ROBO2: variants seen among roughly 807,000 people sequenced by gnomAD.
ROBO2 encodes roundabout guidance receptor 2.
Under a neutral mutation model 160.8 loss-of-function variants are expected in ROBO2, and 53 were observed. The ratio of observed to expected loss-of-function variants is 0.33; its 90% CI spans 0.26 to 0.41. The LOEUF (loss-of-function observed/expected upper bound fraction) is 0.41, where lower values mean the gene tolerates loss of function less well. Ranked by LOEUF, ROBO2 falls within the 10% of genes least tolerant of loss-of-function variation. ROBO2 has a pLI of 1.00. For synonymous variants in ROBO2, 664 were observed against 611.7 expected, an observed-to-expected ratio of 1.09 and a Z score of -1.26; for missense variants, 1,577 against 1,722.4, an observed-to-expected ratio of 0.92 and a Z score of 1.49.
intron 2 of ROBO2, among the ~76,000 whole-genome samples, chr3:76,639,872 C>T (rs1237254494): frequency 6.6e-6 from 1 of 152,256 alleles, no homozygotes; most frequent in South Asian, 2.1e-4. Context: ...ATAATACCAC[C>T]TAACACATAT....
At chr3:77,534,660 TA>T (rs1452342247) in intron 6 of ROBO2, among the ~76,000 whole-genome samples, 2 of 152,202 alleles carry the variant, frequency 1.3e-5, no homozygotes, top group African/African-American at 2.4e-5. Context: ...TTAGATTTAT[TA>T]AAAATATATA....
chr3:77,280,494 G>A (rs1159703554), intron 2 of ROBO2, among the ~76,000 whole-genome samples: 1 of 152,178 alleles, frequency 6.6e-6, no homozygotes, highest in Non-Finnish European at 1.5e-5. Context: ...GGCTTACACA[G>A]AGGATGGGCA....
At chr3:77,476,449 G>A (rs182365369) in intron 2 of ROBO2, among the ~76,000 whole-genome samples, 47 of 151,090 alleles carry the variant, frequency 3.1e-4, no homozygotes, top group Admixed American at 2.4e-3. Flanking sequence ...CAAACATGTC[G>A]GTGTTGGAAT....
At chr3:77,218,737 A>G (rs975446554) in intron 2 of ROBO2, among the ~76,000 whole-genome samples, 9 of 152,230 alleles carry the variant, frequency 5.9e-5, no homozygotes, top group African/African-American at 2.2e-4. Context: ...CTTTTCCATT[A>G]TAAGTATTCT....
At position 76,653,635 on chromosome 3, in the gene ROBO2, A is replaced by G. The variant is rs80173778; in HGVS notation, c.110-444379A>G. 5.0e-3 allele frequency among the ~76,000 whole-genome samples: 765 copies of G among 152,240 alleles called. 4 individuals carry two copies. Among genetic ancestry groups the G allele is most frequent in the African/African-American group, 0.018 (736 of 41,560 alleles). On this transcript the variant is annotated intron_variant, in intron 2 of 26. Transcript: ENST00000487694. Reference sequence around the variant, plus strand: ...GTGAAACTGCAGGTTTTATAATTAAATATAAAAATCGAGGCGTTCACACAG... The same window carrying G: ...GTGAAACTGCAGGTTTTATAATTAAGTATAAAAATCGAGGCGTTCACACAG...
At chr3:76,263,275 T>A (rs1431856043) in intron 2 of ROBO2, among the ~76,000 whole-genome samples, 1 of 152,126 alleles carries the variant, frequency 6.6e-6, no homozygotes, top group Non-Finnish European at 1.5e-5. Flanking sequence ...TCACTCAGGC[T>A]GGAATGGTGC....
intron 2 of ROBO2, among the ~76,000 whole-genome samples, chr3:76,761,884 G>T (rs912009273): frequency 6.6e-6 from 1 of 151,656 alleles, no homozygotes; most frequent in East Asian, 2.0e-4. Flanking sequence ...AAGAATTGAG[G>T]TATTGTATTT....
At chr3:76,558,239 T>C (rs1237158985) in intron 2 of ROBO2, among the ~76,000 whole-genome samples, 2 of 152,116 alleles carry the variant, frequency 1.3e-5, no homozygotes, top group Non-Finnish European at 2.9e-5. Context: ...TCTTCTCTTC[T>C]GACACTTTTC....
chr3:77,221,124 T>C (rs1281892410), intron 2 of ROBO2, among the ~76,000 whole-genome samples: 2 of 152,302 alleles, frequency 1.3e-5, no homozygotes, highest in East Asian at 3.9e-4. Flanking sequence ...CACATAGGCC[T>C]GGTGTACAGC....
chr3:77,016,206 G>T (rs1286114184), intron 2 of ROBO2, among the ~76,000 whole-genome samples: 2 of 152,066 alleles, frequency 1.3e-5, no homozygotes, highest in Non-Finnish European at 2.9e-5. Flanking sequence ...TCCATCTCCT[G>T]ACCTCATGAT....
chr3:77,098,218 C>T, exon 2 of ROBO2: 1 of 1,614,172 alleles, frequency 6.2e-7, no homozygotes, highest in Non-Finnish European at 8.5e-7. Flanking sequence ...CCCAGCGGAT[C>T]CTTATTCTTC....
At chr3:76,069,737 A>G (rs759538344) in intron 2 of ROBO2, among the ~76,000 whole-genome samples, 1 of 152,202 alleles carries the variant, frequency 6.6e-6, no homozygotes, top group Non-Finnish European at 1.5e-5. Flanking sequence ...GAACACGTTC[A>G]GACACGTTAG....
intron 2 of ROBO2, among the ~76,000 whole-genome samples, chr3:76,137,096 A>T (rs928478247): frequency 6.6e-6 from 1 of 152,034 alleles, no homozygotes; most frequent in Non-Finnish European, 1.5e-5. Flanking sequence ...ATTAATACAC[A>T]GTTCTGGAGG....
At chr3:76,218,002 T>G (rs1198543390) in intron 2 of ROBO2, among the ~76,000 whole-genome samples, 3 of 152,128 alleles carry the variant, frequency 2.0e-5, no homozygotes, top group Non-Finnish European at 4.4e-5. Flanking sequence ...GCAAGGCTGG[T>G]TCAACATACG....
chr3:76,909,785 A>C (rs1462501954), intron 2 of ROBO2, among the ~76,000 whole-genome samples: 1 of 152,178 alleles, frequency 6.6e-6, no homozygotes, highest in East Asian at 1.9e-4. Context: ...TAAAACTTTC[A>C]GTTAATCTTT....
At chr3:77,362,010 A>G (rs750338891) in intron 2 of ROBO2, among the ~76,000 whole-genome samples, 19 of 152,330 alleles carry the variant, frequency 1.2e-4, no homozygotes, top group Non-Finnish European at 2.4e-4. Context: ...GGAGAAGAAC[A>G]TTAACCAAAT....
At chr3:76,070,864 G>A (rs1386217956) in intron 2 of ROBO2, among the ~76,000 whole-genome samples, 1 of 152,074 alleles carries the variant, frequency 6.6e-6, no homozygotes, top group Non-Finnish European at 1.5e-5. Context: ...CAATAAAGAG[G>A]GCTATTGCTT....
intron 2 of ROBO2, among the ~76,000 whole-genome samples, chr3:76,181,960 A>C (rs2107107710): frequency 6.6e-6 from 1 of 152,234 alleles, no homozygotes; most frequent in East Asian, 1.9e-4. Context: ...ATGTATTCAT[A>C]TGTCTCTTTT....
intron 17 of ROBO2, among the ~76,000 whole-genome samples, chr3:77,590,148 A>G (rs911306418): frequency 2.0e-5 from 3 of 152,152 alleles, no homozygotes; most frequent in African/African-American, 7.2e-5. Context: ...GCTTGTGTCT[A>G]TATCTTATGA....
Sources: gnomAD v4.1 joint callset for allele counts (sites outside exome capture counted in the v4.1 genomes callset) on GRCh38, gnomAD v4.1.1 for gene constraint, MANE v1.5 for transcripts, NCBI Gene and HGNC (gene_info 2026-07-23, HGNC 2026-07-21) for gene names.